DNAL1: variants seen among roughly 807,000 people sequenced by gnomAD.
The protein encoded by DNAL1 is dynein axonemal light chain 1.
DNAL1 carries 17 observed loss-of-function variants against 29.4 expected under a neutral mutation model. The observed-to-expected ratio is 0.58, with a 90% CI of 0.40 to 0.87. The LOEUF is 0.87. Ranked by LOEUF, DNAL1 falls within the 40% of genes least tolerant of loss-of-function variation. The pLI is 0.00. For missense variants in DNAL1, 188 were observed against 214.1 expected, an observed-to-expected ratio of 0.88 and a Z score of 0.76; for synonymous variants, 78 against 76.3, an observed-to-expected ratio of 1.02 and a Z score of -0.12.
chr14:73,645,017 C>T lies in DNAL1; in HGVS notation c.-23C>T, dbSNP rs764505653. The T allele has an allele frequency of 3.7e-5, 59 of 1,608,958 alleles. No homozygotes were observed. Among genetic ancestry groups the T allele is most frequent in the Non-Finnish European group, 4.9e-5 (58 of 1,178,126 alleles). On this transcript the variant is annotated 5_prime_UTR_variant, in exon 1 of 8. Transcript: ENST00000553645. ...ACCCCGCGGGCCCTAGCAACCAGAG[C>T]AGTGACAGTAGCAACCGCCGGAATG...
In DNAL1 at chr14:73,700,071, A is replaced by G. The variant is rs1253792971; in HGVS notation, c.*4129A>G. On this transcript the variant is annotated 3_prime_UTR_variant, in exon 8 of 8. Coordinates refer to ENST00000553645, the MANE Select transcript of DNAL1 (RefSeq NM_031427.4). ...ATAAGGCACTTAAATGTGTTTCCTG[A>G]TTGGGCACTGTGGCTCATGCCTGTA... The G allele has an allele frequency of 2.6e-5, 4 of 152,120 alleles. No individual in the cohort carries two copies. The highest frequency in any genetic ancestry group is 4.8e-5 in the African/African-American group (2 of 41,424). The allele number at this position is 152,120 out of a possible 1,614,324, so 9.4% of individuals were successfully genotyped here. A position where few individuals can be genotyped will look rare whatever the true frequency, so the allele number is the denominator to read the frequency against.
At chr14:73,662,301 A>C in intron 4 of DNAL1, among the ~76,000 whole-genome samples, 1 of 152,160 alleles carries the variant, frequency 6.6e-6, no homozygotes, top group East Asian at 1.9e-4. Context: ...CAGATTTTTA[A>C]TTGTGTATTT....
At position 73,695,902 on chromosome 14, in the gene DNAL1, G is replaced by GTAAT; in HGVS notation, c.535_536insATTA (p.Thr179AsnfsTer6). The GTAAT allele has an allele frequency of 6.3e-7, 1 of 1,578,664 alleles. No homozygotes were observed. Among genetic ancestry groups the GTAAT allele is most frequent in the Non-Finnish European group, 8.6e-7 (1 of 1,160,854 alleles). Reference sequence around the variant, plus strand: ...GTAATAATTTTCTTTTTCATTTTAGGTACTCCAGTAATTAAAGGGGATGAG... The same window carrying GTAAT: ...GTAATAATTTTCTTTTTCATTTTAGGTAATTACTCCAGTAATTAAAGGGGATGAG... On this transcript the variant is annotated frameshift_variant and splice_region_variant, in exon 8 of 8. Coordinates refer to ENST00000553645, the MANE Select transcript of DNAL1 (RefSeq NM_031427.4). LOFTEE classifies it high-confidence loss of function.
intron 5 of DNAL1, among the ~76,000 whole-genome samples, chr14:73,681,775 A>G (rs1036687794): frequency 6.6e-6 from 1 of 150,628 alleles, no homozygotes; most frequent in African/African-American, 2.5e-5. Context: ...AGCCTGGACA[A>G]CAGAGCAAGA....
chr14:73,658,470 G>C (rs941392800), intron 2 of DNAL1, among the ~76,000 whole-genome samples: 2 of 152,038 alleles, frequency 1.3e-5, no homozygotes, highest in African/African-American at 4.8e-5. Context: ...GAATTACATT[G>C]AATCTGTAGC....
intron 1 of DNAL1, among the ~76,000 whole-genome samples, chr14:73,645,261 G>T (rs961974051): frequency 6.6e-6 from 1 of 152,226 alleles, no homozygotes; most frequent in East Asian, 1.9e-4. Context: ...GTTGGGTTAA[G>T]GTGGAGGGAC....
At chr14:73,684,839 G>A (rs1421711307) in intron 5 of DNAL1, among the ~76,000 whole-genome samples, 1 of 152,198 alleles carries the variant, frequency 6.6e-6, no homozygotes, top group African/African-American at 2.4e-5. Flanking sequence ...CAAGGCTGCA[G>A]TGACCTGATT....
intron 4 of DNAL1, among the ~76,000 whole-genome samples, chr14:73,664,456 AGT>A (rs1891429451): frequency 6.6e-6 from 1 of 152,224 alleles, no homozygotes; most frequent in South Asian, 2.1e-4. Flanking sequence ...AAAAGCTTTT[AGT>A]ATCCAATTTA....
intron 6 of DNAL1, among the ~76,000 whole-genome samples, chr14:73,688,601 T>C (rs1292128546): frequency 6.6e-6 from 1 of 152,072 alleles, no homozygotes; most frequent in African/African-American, 2.4e-5. Flanking sequence ...CCAGCCTGGG[T>C]GACAGAAGGA....
intron 1 of DNAL1, among the ~76,000 whole-genome samples, chr14:73,645,426 G>T (rs1404462958): frequency 6.6e-6 from 1 of 152,146 alleles, no homozygotes; most frequent in East Asian, 1.9e-4. Flanking sequence ...GGGAGGGGCT[G>T]GTTACCAGAG....
intron 6 of DNAL1, among the ~76,000 whole-genome samples, 157 bp from the exon 7 acceptor site, chr14:73,689,218 G>C (rs1251697580): frequency 6.6e-6 from 1 of 151,976 alleles, no homozygotes; most frequent in Non-Finnish European, 1.5e-5. Context: ...ATTTTTAGTA[G>C]AGATGGGGTT....
At chr14:73,675,184 G>T (rs1032082511) in intron 5 of DNAL1, among the ~76,000 whole-genome samples, 3 of 138,782 alleles carry the variant, frequency 2.2e-5, no homozygotes, top group African/African-American at 7.6e-5. Context: ...TCTTGTTCTT[G>T]TTCTCTCTCT....
Position 73,701,763 on chromosome 14 carries a change from A to T in DNAL1, c.*5821A>T, listed in dbSNP as rs970134260. On this transcript the variant is annotated 3_prime_UTR_variant, in exon 8 of 8. Transcript: ENST00000553645. ...CCAGAATCTTTGGCTTCTAGAACCA[A>T]CTCCATTCTGAAGAACATTTTAACA... 2.6e-5 allele frequency: 4 copies of T among 151,978 alleles called. No individual in the cohort carries two copies. The highest frequency in any genetic ancestry group is 6.6e-5 in the Admixed American group (1 of 15,252). 9.4% of individuals were successfully genotyped at this position (151,978 alleles called of 1,614,324 possible).
At chr14:73,687,730 G>A (rs1167430021) in intron 6 of DNAL1, among the ~76,000 whole-genome samples, 1 of 152,018 alleles carries the variant, frequency 6.6e-6, no homozygotes, top group Non-Finnish European at 1.5e-5. Context: ...AAAATTAGCC[G>A]GGCGTCGTGG....
At chr14:73,684,458 A>C (rs1355845431) in intron 5 of DNAL1, among the ~76,000 whole-genome samples, 4 of 152,174 alleles carry the variant, frequency 2.6e-5, no homozygotes, top group Admixed American at 2.6e-4. Context: ...TTGTATACTT[A>C]ACATGTAATC....
At chr14:73,694,296 C>CAGAGA (rs1390001080) in intron 7 of DNAL1, among the ~76,000 whole-genome samples, 1 of 133,882 alleles carries the variant, frequency 7.5e-6, no homozygotes, top group Non-Finnish European at 1.6e-5. Flanking sequence ...ATAAAGTCTT[C>CAGAGA]AGAGAAGAGA....
At chr14:73,676,308 A>G (rs1472209898) in intron 5 of DNAL1, among the ~76,000 whole-genome samples, 7 of 152,190 alleles carry the variant, frequency 4.6e-5, no homozygotes, top group Non-Finnish European at 8.8e-5. Flanking sequence ...AGCAATTTAT[A>G]AATATGTGAA....
intron 1 of DNAL1, among the ~76,000 whole-genome samples, chr14:73,651,685 C>A (rs1020074063): frequency 6.6e-6 from 1 of 152,144 alleles, no homozygotes; most frequent in Non-Finnish European, 1.5e-5. Context: ...AGACAAGAGT[C>A]TTGCTCTGCT....
rs1160956569 is a variant in DNAL1 at position 73,670,241 on chromosome 14, T to C, written c.209-1301T>C. On this transcript the variant is annotated intron_variant, in intron 4 of 7. Transcript: ENST00000553645. ...TTATGGATGTTATAGAACAATGTCA[T>C]CCAACAGAACTGTCAGCACTGTCCC... 2.0e-5 allele frequency among the ~76,000 whole-genome samples: 3 copies of C among 152,210 alleles called. No individual in the cohort carries two copies. In the East Asian group the frequency reaches 5.8e-4, roughly 29 times the overall value.
Sources: allele counts gnomAD v4.1 joint callset (sites outside exome capture counted in the v4.1 genomes callset), GRCh38; gene constraint gnomAD v4.1.1; transcripts MANE v1.5; gene names NCBI Gene and HGNC (gene_info 2026-07-23, HGNC 2026-07-21).